ADCY9: variants seen among roughly 807,000 people sequenced by gnomAD.
ADCY9 encodes the protein adenylate cyclase type 9.
ADCY9 carries 50 observed loss-of-function variants against 101.5 expected under a neutral mutation model. The observed-to-expected ratio is 0.49, with a 90% CI of 0.39 to 0.62. The LOEUF is 0.62. Among genes scored for constraint, ADCY9 ranks in the 20% least tolerant of loss-of-function variants. The pLI is 0.00. For synonymous variants in ADCY9, 905 were observed against 769.3 expected, an observed-to-expected ratio of 1.18 and a Z score of -2.92; for missense variants, 1,662 against 1,800.4, an observed-to-expected ratio of 0.92 and a Z score of 1.39.
chr16:3,990,574 C>T (rs1002236219), intron 5 of ADCY9, among the ~76,000 whole-genome samples: 4 of 152,124 alleles, frequency 2.6e-5, no homozygotes, highest in Admixed American at 2.0e-4. Context: ...TGCAGCACGG[C>T]GGACACTCTC....
intron 2 of ADCY9, among the ~76,000 whole-genome samples, chr16:4,024,390 G>C (rs1432256272): frequency 6.6e-6 from 1 of 152,138 alleles, no homozygotes; most frequent in African/African-American, 2.4e-5. Flanking sequence ...GGTACAGGGA[G>C]TTCTCATATA....
rs184083273 is a variant in ADCY9 at position 4,080,733 on chromosome 16, T to G, written c.1693+33017A>C. On this transcript the variant is annotated intron_variant, in intron 2 of 10. Coordinates refer to ENST00000294016, the MANE Select transcript of ADCY9 (RefSeq NM_001116.4). ...CATTTTTTTCGTTTTTTTTTTTTTG[T>G]AAAAATATCAATTTTATGCTCCAAA... Among the ~76,000 whole-genome samples, 287 of 144,832 alleles carry G rather than the reference T, an allele frequency of 2.0e-3. 1 individual carries two copies. The highest frequency in any genetic ancestry group is 7.0e-3 in the African/African-American group (273 of 39,082).
At chr16:3,998,595 G>C (rs1019174603) in intron 3 of ADCY9, among the ~76,000 whole-genome samples, 1 of 150,278 alleles carries the variant, frequency 6.7e-6, no homozygotes, top group African/African-American at 2.5e-5. Context: ...TGTAGTTTCA[G>C]CTACTAGGGA....
intron 2 of ADCY9, among the ~76,000 whole-genome samples, chr16:4,074,716 C>CAAAAAAAAAAAAAAAAAAA (rs55742993): frequency 2.0e-5 from 2 of 100,416 alleles, no homozygotes; most frequent in Admixed American, 1.1e-4. Context: ...TACCCAGTGG[C>CAAAAAAAAAAAAAAAAAAA]AAAAAAAAAA....
intron 7 of ADCY9, chr16:3,981,942 G>C (rs904497155): frequency 1.3e-5 from 2 of 152,222 alleles, no homozygotes; most frequent in Non-Finnish European, 2.9e-5. Context: ...AAACCAACCA[G>C]GGGCCTGAGG....
In ADCY9 at chr16:4,106,704, A is replaced by G. The variant is rs1412968239; in HGVS notation, c.1693+7046T>C. On this transcript the variant is annotated intron_variant, in intron 2 of 10. Transcript: ENST00000294016. The stretch of plus-strand genomic sequence containing the variant: ...AAAATCACCAACCAAGACAAAGACG[A>G]GACTTACGGCCCACGCAGGCTTCTG... Among the ~76,000 whole-genome samples, 3 of 152,146 alleles carry G rather than the reference A, an allele frequency of 2.0e-5. No homozygotes were observed. In the East Asian group the frequency reaches 5.8e-4, roughly 29 times the overall value.
intron 2 of ADCY9, among the ~76,000 whole-genome samples, chr16:4,034,135 T>C (rs2056574333): frequency 1.3e-5 from 2 of 152,098 alleles, no homozygotes; most frequent in African/African-American, 4.8e-5. Context: ...CCACAGTGCA[T>C]GTGGCTGCTG....
intron 2 of ADCY9, among the ~76,000 whole-genome samples, chr16:4,056,182 T>C (rs1474299934): frequency 6.6e-6 from 1 of 152,194 alleles, no homozygotes; most frequent in Non-Finnish European, 1.5e-5. Flanking sequence ...TCTCAACATA[T>C]TTATAGAAGA....
chr16:3,966,709 TG>T lies in ADCY9; in HGVS notation c.3127del (p.Gln1043SerfsTer2). On this transcript the variant is annotated frameshift_variant, in exon 11 of 11. Coordinates refer to ENST00000294016, the MANE Select transcript of ADCY9 (RefSeq NM_001116.4). LOFTEE classifies it high-confidence loss of function. ...GGAGTAGGTCTGGGACACCTTCAGCTGCTCAGCCACGTGGTAGGGGATGATG... is the reference window on the plus strand; with the variant it reads ...GGAGTAGGTCTGGGACACCTTCAGCTCTCAGCCACGTGGTAGGGGATGATG... The part of the protein sequence containing the change: ...RNIIPYHVAE[Q>X]LKVSQTYSKN... The T allele has an allele frequency of 6.2e-7, 1 of 1,614,118 alleles. No homozygotes were observed. The highest frequency in any genetic ancestry group is 8.5e-7 in the Non-Finnish European group (1 of 1,179,990).
intron 2 of ADCY9, among the ~76,000 whole-genome samples, chr16:4,112,805 G>A (rs113042241): frequency 6.6e-6 from 1 of 152,114 alleles, no homozygotes; most frequent in Non-Finnish European, 1.5e-5. Flanking sequence ...CATAAGGACT[G>A]TTTAAAAAGG....
chr16:4,080,613 C>G (rs1392607421), intron 2 of ADCY9, among the ~76,000 whole-genome samples: 1 of 151,778 alleles, frequency 6.6e-6, no homozygotes, highest in Admixed American at 6.6e-5. Flanking sequence ...TTGACCTTTC[C>G]ATTAATGTCT....
At chr16:4,101,099 T>C (rs1458473831) in intron 2 of ADCY9, among the ~76,000 whole-genome samples, 1 of 152,168 alleles carries the variant, frequency 6.6e-6, no homozygotes, top group African/African-American at 2.4e-5. Context: ...GGTACTAGTG[T>C]TTTCTAATAC....
chr16:3,992,057 C>A lies in ADCY9; in HGVS notation c.2207+89G>T. 7.5e-7 allele frequency: 1 copy of A among 1,327,458 alleles called. No homozygotes were observed. Among genetic ancestry groups the A allele is most frequent in the Non-Finnish European group, 1.0e-6 (1 of 952,668 alleles). The allele number at this position is 1,327,458 out of a possible 1,614,324, so 82.2% of individuals were successfully genotyped here. ...CTGCACTGCAGCCTGGATGACAGAG[C>A]GAGACTCAGTCTTAAAGAAAAGAAA... On this transcript the variant is annotated intron_variant, in intron 5 of 10. Coordinates refer to ENST00000294016, the MANE Select transcript of ADCY9 (RefSeq NM_001116.4). This position sits in a 1 kb window ranked among gnomAD's most constrained non-coding sequence, Gnocchi z 4.2.
chr16:4,079,581 T>TA (rs1467694405), intron 2 of ADCY9, among the ~76,000 whole-genome samples: 12 of 151,704 alleles, frequency 7.9e-5, no homozygotes, highest in African/African-American at 2.9e-4. Context: ...AAAAATAAAA[T>TA]AAAATAAAAT....
chr16:4,012,499 A>G (rs543794758), intron 2 of ADCY9, among the ~76,000 whole-genome samples: 18 of 151,314 alleles, frequency 1.2e-4, no homozygotes, highest in Non-Finnish European at 2.4e-4. Flanking sequence ...AGACAGCTAA[A>G]TGATTTAAGT....
chr16:3,978,444 C>T (rs555364983), intron 8 of ADCY9, among the ~76,000 whole-genome samples: 291 of 152,318 alleles, frequency 1.9e-3, no homozygotes, highest in Middle Eastern at 3.4e-3. Flanking sequence ...GCAGCCGACC[C>T]GGGCACAAGT....
At chr16:4,069,082 T>C (rs985780456) in intron 2 of ADCY9, among the ~76,000 whole-genome samples, 3 of 152,296 alleles carry the variant, frequency 2.0e-5, no homozygotes, top group South Asian at 2.1e-4. Flanking sequence ...TGGCATGACA[T>C]GTGAAATTCT....
At chr16:4,021,350 T>C (rs1461810245) in intron 2 of ADCY9, among the ~76,000 whole-genome samples, 1 of 152,204 alleles carries the variant, frequency 6.6e-6, no homozygotes, top group East Asian at 1.9e-4. Flanking sequence ...CCACCATCCC[T>C]TGCGCTGAAG....
intron 2 of ADCY9, among the ~76,000 whole-genome samples, chr16:4,112,318 A>G (rs2057118873): frequency 6.6e-6 from 1 of 152,242 alleles, no homozygotes; most frequent in African/African-American, 2.4e-5. Context: ...GGTTAGGGGA[A>G]TTCTCGGGTG....
Sources: gnomAD v4.1 joint callset for allele counts (sites outside exome capture counted in the v4.1 genomes callset) on GRCh38, gnomAD v4.1.1 for gene constraint, Gnocchi (gnomAD v3.1) non-coding constraint, MANE v1.5 for transcripts, NCBI Gene and HGNC (gene_info 2026-07-23, HGNC 2026-07-21) for gene names.